RIT2: variants seen among roughly 807,000 people sequenced by gnomAD.
The protein encoded by RIT2 is Ras like without CAAX 2, also known as GTP-binding protein Rit2.
RIT2 carries 24 observed loss-of-function variants against 23.7 expected under a neutral mutation model. The observed-to-expected ratio is 1.01, with a 90% CI of 0.73 to 1.43. RIT2 has a LOEUF of 1.43. Among genes scored for constraint, RIT2 ranks in the 40% most tolerant of loss-of-function variants. The probability of loss-of-function intolerance (pLI) is 0.00; values close to 1 mark genes in which losing one functional copy is unlikely to be tolerated. For missense variants in RIT2, 236 were observed against 266.9 expected, an observed-to-expected ratio of 0.88 and a Z score of 0.81; for synonymous variants, 107 against 91.1, an observed-to-expected ratio of 1.17 and a Z score of -0.99.
chr18:43,064,576 G>C (rs1433063108), intron 1 of RIT2, among the ~76,000 whole-genome samples: 2 of 152,094 alleles, frequency 1.3e-5, no homozygotes, highest in Admixed American at 1.3e-4. Context: ...AAGAACGCTA[G>C]AGCAATATGA....
intron 4 of RIT2, among the ~76,000 whole-genome samples, chr18:42,876,011 A>G (rs1907734808): frequency 6.6e-6 from 1 of 152,022 alleles, no homozygotes; most frequent in African/African-American, 2.4e-5. Context: ...TAAAGCATCA[A>G]CAGATTTTTT....
intron 4 of RIT2, among the ~76,000 whole-genome samples, chr18:42,761,591 C>T (rs938393375): frequency 3.9e-5 from 6 of 152,198 alleles, no homozygotes; most frequent in Non-Finnish European, 7.3e-5. Context: ...CCAATTAACA[C>T]AACTCTTTAA....
In RIT2 at chr18:42,940,988, T is replaced by A. The variant is rs1474268678; in HGVS notation, c.235-17225A>T. ...TCCCATTTATTCCTAGTTGATATCT[T>A]GGAAAATTGTGTTTATTCTGTCAGG... On this transcript the variant is annotated intron_variant, in intron 3 of 4. Transcript: ENST00000326695. Among the ~76,000 whole-genome samples, 5 of 152,260 alleles carry A rather than the reference T, an allele frequency of 3.3e-5. No individual in the cohort carries two copies. In the South Asian group the frequency reaches 1.0e-3, roughly 32 times the overall value.
At chr18:42,812,334 C>G (rs1905874952) in intron 4 of RIT2, among the ~76,000 whole-genome samples, 1 of 152,086 alleles carries the variant, frequency 6.6e-6, no homozygotes, top group Non-Finnish European at 1.5e-5. Flanking sequence ...TAGTGAGGAT[C>G]ATGGGAAGTA....
intron 1 of RIT2, among the ~76,000 whole-genome samples, chr18:43,086,784 T>C (rs896483906): frequency 3.3e-5 from 5 of 152,146 alleles, no homozygotes; most frequent in African/African-American, 7.2e-5. Flanking sequence ...ATCTGGCACA[T>C]GGCTGTGGAG....
Position 42,984,973 on chromosome 18 carries a change from C to A in RIT2, c.161-10826G>T, listed in dbSNP as rs572584704. Among the ~76,000 whole-genome samples, 20 of 151,696 alleles carry A rather than the reference C, an allele frequency of 1.3e-4. No individual in the cohort carries two copies. The South Asian group carries it at 3.9e-3, about 30-fold the overall frequency. On this transcript the variant is annotated intron_variant, in intron 2 of 4. Coordinates refer to ENST00000326695, the MANE Select transcript of RIT2 (RefSeq NM_002930.4). ...TGATTGATGTGAAAAAAAAGTTTAG[C>A]ATAGAAAAAAATGCCTCTATTCATG...
chr18:42,959,459 A>G (rs1910048249), intron 3 of RIT2, among the ~76,000 whole-genome samples: 1 of 152,126 alleles, frequency 6.6e-6, no homozygotes, highest in East Asian at 1.9e-4. Context: ...TACATCTTCC[A>G]CTCTAGATCC....
At chr18:43,006,088 G>A (rs1294278045) in intron 2 of RIT2, among the ~76,000 whole-genome samples, 1 of 151,632 alleles carries the variant, frequency 6.6e-6, no homozygotes, top group Non-Finnish European at 1.5e-5. Flanking sequence ...AGAGACAAAG[G>A]AAACATAATG....
chr18:43,017,563 G>A (rs531840572), intron 2 of RIT2, among the ~76,000 whole-genome samples: 58 of 152,012 alleles, frequency 3.8e-4, no homozygotes, highest in African/African-American at 1.3e-3. Flanking sequence ...ATCTGAAAAC[G>A]ATATTAAAAG....
At chr18:42,959,267 G>C (rs1910044114) in intron 3 of RIT2, among the ~76,000 whole-genome samples, 1 of 152,068 alleles carries the variant, frequency 6.6e-6, no homozygotes, top group East Asian at 1.9e-4. Context: ...AATTGCTAGA[G>C]CTAAAAACTG....
intron 4 of RIT2, among the ~76,000 whole-genome samples, chr18:42,769,843 T>TATAATAATA (rs149525390): frequency 0.039 from 5,528 of 141,414 alleles, 116 homozygotes; most frequent in Non-Finnish European, 0.046. Flanking sequence ...AAACTTAAAG[T>TATAATAATA]ATAATAATAA....
intron 4 of RIT2, among the ~76,000 whole-genome samples, chr18:42,757,841 G>A (rs1217132070): frequency 6.6e-6 from 1 of 152,028 alleles, no homozygotes. Context: ...CCTCAGTGAG[G>A]AAATAAAAGC....
chr18:42,869,656 G>T (rs370772542), intron 4 of RIT2, among the ~76,000 whole-genome samples: 5 of 152,208 alleles, frequency 3.3e-5, no homozygotes, highest in African/African-American at 7.2e-5. Flanking sequence ...TCTTTGATCT[G>T]GTTAAAACTT....
chr18:43,114,466 A>T (rs758095871), intron 1 of RIT2, among the ~76,000 whole-genome samples: 9 of 152,106 alleles, frequency 5.9e-5, no homozygotes, highest in Non-Finnish European at 1.2e-4. Context: ...TGTCAACACT[A>T]AAACTACTGA....
At chr18:43,034,447 C>T (rs1182876052) in intron 1 of RIT2, among the ~76,000 whole-genome samples, 1 of 152,150 alleles carries the variant, frequency 6.6e-6, no homozygotes, top group Non-Finnish European at 1.5e-5. Context: ...GTACCCTCCA[C>T]ATTATTTCCA....
chr18:42,801,381 A>G lies in RIT2; in HGVS notation c.427-57661T>C, dbSNP rs142276690. 2.0e-3 allele frequency among the ~76,000 whole-genome samples: 303 copies of G among 152,336 alleles called. 2 individuals are homozygous for G. The highest frequency in any genetic ancestry group is 7.0e-3 in the African/African-American group (293 of 41,574). On this transcript the variant is annotated intron_variant, in intron 4 of 4. Transcript: ENST00000326695. ...TTAACAAGAGCTCAGTTACGTATCTATTCTTTGATGTTGAAATTTATTGGA... is the reference window on the plus strand; with the variant it reads ...TTAACAAGAGCTCAGTTACGTATCTGTTCTTTGATGTTGAAATTTATTGGA...
intron 4 of RIT2, among the ~76,000 whole-genome samples, chr18:42,828,793 A>G (rs1906377428): frequency 6.6e-6 from 1 of 152,246 alleles, no homozygotes; most frequent in South Asian, 2.1e-4. Flanking sequence ...GCTTAGACTC[A>G]GCCTTATCAT....
chr18:42,942,922 T>C (rs1909638398), intron 3 of RIT2, among the ~76,000 whole-genome samples: 1 of 152,170 alleles, frequency 6.6e-6, no homozygotes, highest in Admixed American at 6.5e-5. Context: ...AACTGCATGG[T>C]GCTAGTGTGT....
chr18:42,898,272 T>C (rs777245556), intron 4 of RIT2, among the ~76,000 whole-genome samples: 9 of 152,094 alleles, frequency 5.9e-5, no homozygotes, highest in Non-Finnish European at 1.0e-4. Flanking sequence ...CGGGTGCCTG[T>C]AGTCCCAGCT....
Sources: gnomAD v4.1 joint callset for allele counts (sites outside exome capture counted in the v4.1 genomes callset) on GRCh38, gnomAD v4.1.1 for gene constraint, MANE v1.5 for transcripts, NCBI Gene and HGNC (gene_info 2026-07-23, HGNC 2026-07-21) for gene names.